The following MRAS variants were observed in gnomAD, a reference collection of about 807,000 sequenced individuals.
MRAS encodes muscle RAS oncogene homolog.
A neutral mutation model predicts 20.9 loss-of-function variants in MRAS; 4 were observed. That is an observed-to-expected ratio of 0.19 (90% CI 0.09 to 0.44). MRAS has a LOEUF of 0.44. Among genes scored for constraint, MRAS ranks in the 20% least tolerant of loss-of-function variants. MRAS has a pLI of 0.99. For missense variants in MRAS, 154 were observed against 277.5 expected (o/e 0.56, Z 3.16); for synonymous variants, 98 against 102.9 (o/e 0.95, Z 0.29).
chr3:138,364,497 G>T (rs1225693482), intron 1 of MRAS, among the ~76,000 whole-genome samples: 2 of 152,238 alleles, frequency 1.3e-5, no homozygotes, highest in Non-Finnish European at 2.9e-5. Context: ...AGGGTTGCAG[G>T]CTGTCTGCAT....
At chr3:138,379,096 C>G (rs1270846877) in intron 2 of MRAS, among the ~76,000 whole-genome samples, 1 of 152,028 alleles carries the variant, frequency 6.6e-6, no homozygotes, top group African/African-American at 2.4e-5. Flanking sequence ...CTATAATTTC[C>G]CTACTGTGCT....
At chr3:138,355,566 A>T (rs1202055076) in intron 1 of MRAS, among the ~76,000 whole-genome samples, 3 of 152,116 alleles carry the variant, frequency 2.0e-5, no homozygotes, top group African/African-American at 7.2e-5. Flanking sequence ...CCTGCGGGAG[A>T]CCCCAAGTCC....
chr3:138,375,910 C>T (rs901027282), intron 2 of MRAS, among the ~76,000 whole-genome samples: 1 of 151,986 alleles, frequency 6.6e-6, no homozygotes, highest in Non-Finnish European at 1.5e-5. Context: ...ATCACTTGAG[C>T]TCAGGAGGCA....
At chr3:138,383,567 A>T (rs1486416419) in intron 2 of MRAS, among the ~76,000 whole-genome samples, 1 of 152,126 alleles carries the variant, frequency 6.6e-6, no homozygotes, top group African/African-American at 2.4e-5. Flanking sequence ...GGGGCCACTG[A>T]CACATGTCCC....
chr3:138,349,284 G>A (rs1002766), intron 1 of MRAS: 91,560 of 152,204 alleles, frequency 0.6, 28,325 homozygotes, highest in East Asian at 0.73. Flanking sequence ...ACTAGGGCCT[G>A]GGCTCATGCA....
At chr3:138,367,793 A>C (rs4678415) in intron 1 of MRAS, among the ~76,000 whole-genome samples, 89,931 of 152,150 alleles carry the variant, frequency 0.59, 27,669 homozygotes, top group East Asian at 0.74. Context: ...TGACAAGGTA[A>C]ATCTGGCATT....
At chr3:138,385,519 TA>T in intron 2 of MRAS, among the ~76,000 whole-genome samples, 1 of 151,202 alleles carries the variant, frequency 6.6e-6, no homozygotes, top group Non-Finnish European at 1.5e-5. Flanking sequence ...TTTATTTATT[TA>T]TTTATTATTT....
intron 1 of MRAS, among the ~76,000 whole-genome samples, chr3:138,365,850 G>C (rs987711487): frequency 1.3e-5 from 2 of 152,208 alleles, no homozygotes; most frequent in African/African-American, 4.8e-5. Flanking sequence ...CTGGGAATGG[G>C]GGGGAGCAGC....
intron 2 of MRAS, among the ~76,000 whole-genome samples, chr3:138,391,945 C>A (rs2055140081): frequency 6.6e-6 from 1 of 152,150 alleles, no homozygotes; most frequent in Non-Finnish European, 1.5e-5. Flanking sequence ...TGAGACCATC[C>A]TGGCCAACAT....
chr3:138,388,902 C>T (rs372678089), intron 2 of MRAS, among the ~76,000 whole-genome samples: 1 of 151,718 alleles, frequency 6.6e-6, no homozygotes, highest in Non-Finnish European at 1.5e-5. Context: ...AGTGCAGTGG[C>T]GCAGTCTCGG....
intron 3 of MRAS, 112 bp downstream of exon 3, chr3:138,397,589 T>C (rs2055268154): frequency 2.3e-6 from 3 of 1,324,072 alleles, no homozygotes; most frequent in South Asian, 1.5e-5. Flanking sequence ...ATTAAAGGCG[T>C]GGATTTTTTT....
At chr3:138,380,027 G>A (rs1257313738) in intron 2 of MRAS, among the ~76,000 whole-genome samples, 1 of 152,068 alleles carries the variant, frequency 6.6e-6, no homozygotes, top group Non-Finnish European at 1.5e-5. Context: ...CATTGTAACT[G>A]GGGTGAGATG....
intron 2 of MRAS, among the ~76,000 whole-genome samples, chr3:138,380,530 C>T (rs1036942288): frequency 1.3e-5 from 2 of 152,142 alleles, no homozygotes; most frequent in African/African-American, 2.4e-5. Context: ...AGGCTGATCT[C>T]GAACTCCTGG....
intron 2 of MRAS, among the ~76,000 whole-genome samples, chr3:138,379,697 A>G (rs185049691): frequency 6.6e-6 from 1 of 152,258 alleles, no homozygotes; most frequent in East Asian, 1.9e-4. Context: ...TATTGTGTAT[A>G]TATGCTACAT....
At chr3:138,380,271 C>T (rs567391502) in intron 2 of MRAS, among the ~76,000 whole-genome samples, 1 of 151,942 alleles carries the variant, frequency 6.6e-6, no homozygotes, top group African/African-American at 2.4e-5. Context: ...AACACTAAGT[C>T]CCCATTTTCC....
At chr3:138,362,938 G>A (rs746789428) in intron 1 of MRAS, among the ~76,000 whole-genome samples, 4 of 152,066 alleles carry the variant, frequency 2.6e-5, no homozygotes, top group Admixed American at 1.3e-4. Context: ...CATGTTGCTC[G>A]CAGTACCGAG....
At chr3:138,367,836 T>G (rs1408425918) in intron 1 of MRAS, among the ~76,000 whole-genome samples, 1 of 152,248 alleles carries the variant, frequency 6.6e-6, no homozygotes, top group Non-Finnish European at 1.5e-5. Flanking sequence ...GCAAGAAGGT[T>G]CTACCTATGG....
chr3:138,372,201 CCTGA>C (rs1326061027), intron 1 of MRAS, among the ~76,000 whole-genome samples: 4 of 152,090 alleles, frequency 2.6e-5, no homozygotes, highest in African/African-American at 7.2e-5. Flanking sequence ...GCAAAATTCC[CCTGA>C]CTGAGAACCA....
intron 1 of MRAS, among the ~76,000 whole-genome samples, chr3:138,359,291 C>T (rs1254917034): frequency 6.6e-6 from 1 of 152,176 alleles, no homozygotes; most frequent in African/African-American, 2.4e-5. Context: ...GTTCACCACT[C>T]CAAAGCTAGG....
Sources: allele counts gnomAD v4.1 joint callset (sites outside exome capture counted in the v4.1 genomes callset), GRCh38; gene constraint gnomAD v4.1.1; transcripts MANE v1.5; gene names NCBI Gene and HGNC (gene_info 2026-07-23, HGNC 2026-07-21).